The following RIMS2 variants were observed in gnomAD, a reference collection of about 807,000 sequenced individuals.
RIMS2 encodes regulating synaptic membrane exocytosis 2.
RIMS2 carries 59 observed loss-of-function variants against 174.4 expected under a neutral mutation model. The observed-to-expected ratio is 0.34, with a 90% CI of 0.27 to 0.42. RIMS2 has a LOEUF of 0.42. Ranked by LOEUF, RIMS2 falls within the 10% of genes least tolerant of loss-of-function variation. The pLI is 1.00. For synonymous variants in RIMS2, 606 were observed against 572.5 expected (o/e 1.06, Z -0.84); for missense variants, 1,620 against 1,666.3 (o/e 0.97, Z 0.48).
intron 19 of RIMS2, among the ~76,000 whole-genome samples, chr8:104,154,759 C>G (rs573960076): frequency 1.3e-5 from 2 of 152,282 alleles, no homozygotes; most frequent in Admixed American, 1.3e-4. Context: ...TCACACAGTA[C>G]TTTAAAGTAA....
chr8:103,842,679 T>C (rs1476075000), intron 3 of RIMS2, among the ~76,000 whole-genome samples: 3 of 152,192 alleles, frequency 2.0e-5, no homozygotes, highest in African/African-American at 4.8e-5. Context: ...CTTTTCATCA[T>C]TGTCATTGAT....
chr8:104,006,766 A>G (rs1029341140), intron 17 of RIMS2, among the ~76,000 whole-genome samples: 3 of 151,120 alleles, frequency 2.0e-5, no homozygotes, highest in African/African-American at 7.3e-5. Context: ...ACCTTCTACA[A>G]TTTGACCTCT....
intron 1 of RIMS2, among the ~76,000 whole-genome samples, chr8:103,590,222 C>A (rs1383361786): frequency 1.3e-5 from 2 of 151,136 alleles, no homozygotes; most frequent in African/African-American, 2.4e-5. Context: ...TATGTATCCA[C>A]AAAAATTAAA....
Position 103,773,630 on chromosome 8 carries a change from T to A in RIMS2, c.698+7093T>A, listed in dbSNP as rs532482037. Among the ~76,000 whole-genome samples the A allele has an allele frequency of 7.9e-5, 12 of 152,116 alleles. No individual in the cohort carries two copies. In the East Asian group the frequency reaches 2.3e-3, roughly 29 times the overall value. Reference sequence around the variant, plus strand: ...TGTAATCCCAGCTACTCAGGAAGGCTGAGACAGGAGAATCACTTGAACCCA... The same window carrying A: ...TGTAATCCCAGCTACTCAGGAAGGCAGAGACAGGAGAATCACTTGAACCCA... On this transcript the variant is annotated intron_variant, in intron 3 of 23. Coordinates refer to ENST00000504942, the Ensembl canonical transcript of RIMS2.
At chr8:104,022,556 A>G (rs1357105601) in intron 19 of RIMS2, among the ~76,000 whole-genome samples, 1 of 151,624 alleles carries the variant, frequency 6.6e-6, no homozygotes, top group Non-Finnish European at 1.5e-5. Context: ...TAAGTTTTCT[A>G]TTTCTAGTAA....
intron 1 of RIMS2, among the ~76,000 whole-genome samples, chr8:103,620,400 A>G (rs2095607623): frequency 6.6e-6 from 1 of 152,152 alleles, no homozygotes; most frequent in African/African-American, 2.4e-5. Context: ...CAATATGAAC[A>G]ACTAAATGTT....
chr8:103,590,485 C>A (rs891822510), intron 1 of RIMS2, among the ~76,000 whole-genome samples: 5 of 151,258 alleles, frequency 3.3e-5, no homozygotes, highest in Non-Finnish European at 7.4e-5. Context: ...CACATCCTTA[C>A]ATGTCAGAAT....
intron 19 of RIMS2, among the ~76,000 whole-genome samples, chr8:104,135,613 C>CAAAA (rs35163912): frequency 2.5e-3 from 198 of 79,236 alleles, no homozygotes; most frequent in East Asian, 7.9e-3. Flanking sequence ...CTCCCAACCT[C>CAAAA]AAAAAAAAAA....
intron 19 of RIMS2, among the ~76,000 whole-genome samples, chr8:104,098,117 A>G (rs1181083510): frequency 6.6e-6 from 1 of 152,206 alleles, no homozygotes; most frequent in Non-Finnish European, 1.5e-5. Flanking sequence ...TACTGAATGT[A>G]AAAGTAGAAA....
intron 16 of RIMS2, chr8:103,976,934 G>A (rs886197338): frequency 2.6e-5 from 4 of 152,178 alleles, no homozygotes; most frequent in Non-Finnish European, 5.9e-5. Context: ...GTTAAGTACA[G>A]ACAAGCTTAA....
At chr8:104,099,822 TC>T (rs2097839052) in intron 19 of RIMS2, among the ~76,000 whole-genome samples, 1 of 140,346 alleles carries the variant, frequency 7.1e-6, no homozygotes, top group African/African-American at 2.6e-5. Flanking sequence ...TTCTTTACTT[TC>T]TTTTTTTTTT....
At chr8:103,681,022 A>G (rs16870632) in intron 1 of RIMS2, among the ~76,000 whole-genome samples, 18,884 of 151,982 alleles carry the variant, frequency 0.12, 1,272 homozygotes, top group Middle Eastern at 0.22. Context: ...GATATATTAA[A>G]GAGTAACGAA....
chr8:104,014,690 C>G (rs1461358241), intron 19 of RIMS2, 75 bp downstream of exon 21: 1 of 806,000 alleles, frequency 1.2e-6, no homozygotes, highest in African/African-American at 1.7e-5. Context: ...TTCTTATTAC[C>G]TTTGTGTTAA....
At chr8:103,955,216 T>C (rs1400199030) in intron 14 of RIMS2, among the ~76,000 whole-genome samples, 1 of 152,028 alleles carries the variant, frequency 6.6e-6, no homozygotes, top group Non-Finnish European at 1.5e-5. Flanking sequence ...CCCCAAACAG[T>C]AGAAAAAGAG....
intron 1 of RIMS2, among the ~76,000 whole-genome samples, chr8:103,584,247 T>C (rs1213260076): frequency 6.6e-6 from 1 of 152,130 alleles, no homozygotes; most frequent in Non-Finnish European, 1.5e-5. Context: ...GGCTAAAATA[T>C]CCTTCAAACA....
At chr8:104,213,414 T>C (rs1342731031) in intron 19 of RIMS2, among the ~76,000 whole-genome samples, 1 of 152,230 alleles carries the variant, frequency 6.6e-6, no homozygotes, top group African/African-American at 2.4e-5. Flanking sequence ...TACTTAACAA[T>C]AATTATGAGT....
chr8:104,175,544 A>G (rs1164749683), intron 19 of RIMS2, among the ~76,000 whole-genome samples: 6 of 152,140 alleles, frequency 3.9e-5, no homozygotes, highest in Admixed American at 3.3e-4. Flanking sequence ...AATCTTATTC[A>G]TTCTGTTTTT....
intron 19 of RIMS2, among the ~76,000 whole-genome samples, chr8:104,144,349 A>G (rs562866362): frequency 1.3e-5 from 2 of 152,286 alleles, no homozygotes; most frequent in South Asian, 4.1e-4. Context: ...CTAGAACCGA[A>G]CACCCTATAT....
intron 3 of RIMS2, among the ~76,000 whole-genome samples, chr8:103,876,817 T>C (rs1335456087): frequency 1.5e-5 from 2 of 135,444 alleles, no homozygotes; most frequent in African/African-American, 5.1e-5. Flanking sequence ...GTGTGGATTG[T>C]GTATATATGT....
Sources: gnomAD v4.1 joint callset for allele counts (sites outside exome capture counted in the v4.1 genomes callset) on GRCh38, gnomAD v4.1.1 for gene constraint, MANE v1.5 for transcripts, NCBI Gene and HGNC (gene_info 2026-07-23, HGNC 2026-07-21) for gene names.